Variants in TMTC1 observed in about 807,000 individuals in gnomAD.
TMTC1 encodes transmembrane O-mannosyltransferase targeting cadherins 1.
A neutral mutation model predicts 104.8 loss-of-function variants in TMTC1; 73 were observed. The ratio of observed to expected loss-of-function variants is 0.70; its 90% CI spans 0.58 to 0.85. TMTC1 has a LOEUF of 0.85. TMTC1 is among the 40% of genes least tolerant of loss of function. TMTC1 has a pLI of 0.00. For missense variants in TMTC1, 1,035 were observed against 1,096.1 expected, an observed-to-expected ratio of 0.94 and a Z score of 0.79; for synonymous variants, 434 against 428.7, an observed-to-expected ratio of 1.01 and a Z score of -0.15.
intron 6 of TMTC1, among the ~76,000 whole-genome samples, chr12:29,631,170 T>A (rs1229974446): frequency 6.6e-6 from 1 of 152,224 alleles, no homozygotes; most frequent in African/African-American, 2.4e-5. Context: ...TGTAGATTTA[T>A]GTTTTACAAA....
At chr12:29,546,093 G>C (rs577264006) in intron 10 of TMTC1, among the ~76,000 whole-genome samples, 1 of 152,312 alleles carries the variant, frequency 6.6e-6, no homozygotes, top group South Asian at 2.1e-4. Context: ...AGGTGGTAGT[G>C]AGGCAGCATG....
At chr12:29,714,981 CT>C (rs1942037118) in intron 5 of TMTC1, among the ~76,000 whole-genome samples, 1 of 152,158 alleles carries the variant, frequency 6.6e-6, no homozygotes, top group Non-Finnish European at 1.5e-5. Flanking sequence ...TACTTTTTCT[CT>C]TTTAAAAAAT....
chr12:29,620,978 T>G (rs1368381983), intron 6 of TMTC1, among the ~76,000 whole-genome samples: 12 of 152,186 alleles, frequency 7.9e-5, no homozygotes, highest in Admixed American at 7.2e-4. Context: ...TATCGAATAC[T>G]GCAGTGGTCT....
chr12:29,773,704 A>G (rs77387052), intron 1 of TMTC1, among the ~76,000 whole-genome samples: 4,242 of 152,268 alleles, frequency 0.028, 96 homozygotes, highest in Non-Finnish European at 0.043. Flanking sequence ...CAATATGATT[A>G]ATAAGCCACC....
chr12:29,635,915 C>T (rs950419399), intron 5 of TMTC1, among the ~76,000 whole-genome samples: 5 of 152,158 alleles, frequency 3.3e-5, no homozygotes, highest in African/African-American at 1.2e-4. Flanking sequence ...AAGCAAAGCA[C>T]AGATTTTGTT....
chr12:29,667,944 G>A (rs898678286), intron 5 of TMTC1, among the ~76,000 whole-genome samples: 1 of 152,172 alleles, frequency 6.6e-6, no homozygotes, highest in African/African-American at 2.4e-5. Context: ...AGGCGGAGGA[G>A]GTACTTACTC....
intron 2 of TMTC1, among the ~76,000 whole-genome samples, chr12:29,761,021 T>C (rs1943335418): frequency 1.4e-5 from 2 of 147,924 alleles, no homozygotes; most frequent in African/African-American, 4.9e-5. Context: ...ATAAATTATA[T>C]GTAGTATATG....
intron 5 of TMTC1, among the ~76,000 whole-genome samples, chr12:29,737,386 C>T (rs189387252): frequency 9.9e-5 from 15 of 152,250 alleles, no homozygotes; most frequent in African/African-American, 2.9e-4. Flanking sequence ...GGCCTGGTGG[C>T]GCATGCCTGT....
In TMTC1 at chr12:29,679,071, T is replaced by C. The variant is rs1382503462; in HGVS notation, c.939-45735A>G. The stretch of plus-strand genomic sequence containing the variant: ...TATCTAATATAGGTGAATAGCTAAA[T>C]AAATTTTCATACAACCATGCAGTGC... On this transcript the variant is annotated intron_variant, in intron 5 of 17. Transcript: ENST00000539277. Among the ~76,000 whole-genome samples, 3 of 152,188 alleles carry C rather than the reference T, an allele frequency of 2.0e-5. No individual in the cohort carries two copies. In the South Asian group the frequency reaches 6.2e-4, roughly 31 times the overall value.
At chr12:29,766,729 A>G (rs1005164094) in intron 2 of TMTC1, among the ~76,000 whole-genome samples, 4 of 152,162 alleles carry the variant, frequency 2.6e-5, no homozygotes, top group Admixed American at 2.6e-4. Flanking sequence ...CAGGCAGATC[A>G]GCTTCAGGGA....
At chr12:29,507,861 A>G (rs1477123414) in intron 17 of TMTC1, among the ~76,000 whole-genome samples, 1 of 152,200 alleles carries the variant, frequency 6.6e-6, no homozygotes, top group Non-Finnish European at 1.5e-5. Context: ...CCCCCATTAG[A>G]AAAAGTATGA....
chr12:29,719,794 C>T (rs908446247), intron 5 of TMTC1, among the ~76,000 whole-genome samples: 7 of 152,200 alleles, frequency 4.6e-5, no homozygotes, highest in African/African-American at 1.7e-4. Flanking sequence ...TTTCTGAGAA[C>T]TACTTAGCTC....
chr12:29,780,300 A>C (rs747995965), intron 1 of TMTC1, among the ~76,000 whole-genome samples: 3 of 152,248 alleles, frequency 2.0e-5, no homozygotes, highest in Non-Finnish European at 4.4e-5. Context: ...ATACAATGGA[A>C]TACAACTCAG....
At chr12:29,575,855 C>T (rs961810149) in intron 8 of TMTC1, among the ~76,000 whole-genome samples, 1 of 152,188 alleles carries the variant, frequency 6.6e-6, no homozygotes, top group Non-Finnish European at 1.5e-5. Flanking sequence ...AACATACATT[C>T]CCACCAACAA....
At chr12:29,552,047 A>G (rs1945120183) in intron 10 of TMTC1, among the ~76,000 whole-genome samples, 2 of 152,198 alleles carry the variant, frequency 1.3e-5, no homozygotes, top group South Asian at 2.1e-4. Flanking sequence ...AATTCAAATG[A>G]GTTGCTATAA....
chr12:29,694,242 G>C (rs1460829751), intron 5 of TMTC1, among the ~76,000 whole-genome samples: 2 of 152,076 alleles, frequency 1.3e-5, no homozygotes, highest in East Asian at 3.9e-4. Context: ...TCTCCTCAAT[G>C]ATTTGCATCA....
At chr12:29,643,115 A>G (rs939351008) in intron 5 of TMTC1, among the ~76,000 whole-genome samples, 3 of 151,122 alleles carry the variant, frequency 2.0e-5, no homozygotes, top group African/African-American at 7.3e-5. Flanking sequence ...TCCTGGGAGA[A>G]TGGCCATAAT....
intron 3 of TMTC1, 140 bp from the exon 4 acceptor site, chr12:29,756,025 G>T: frequency 1.2e-6 from 1 of 844,210 alleles, no homozygotes; most frequent in Non-Finnish European, 1.8e-6. Context: ...TTCTTAAAGA[G>T]CCTTCATCCC....
At chr12:29,760,648 T>C (rs1171392473) in intron 2 of TMTC1, among the ~76,000 whole-genome samples, 3 of 152,052 alleles carry the variant, frequency 2.0e-5, no homozygotes, top group Non-Finnish European at 4.4e-5. Context: ...CAGGGACGTA[T>C]AACCTGAATA....
Sources: gnomAD v4.1 joint callset for allele counts (sites outside exome capture counted in the v4.1 genomes callset) on GRCh38, gnomAD v4.1.1 for gene constraint, MANE v1.5 for transcripts, NCBI Gene and HGNC (gene_info 2026-07-23, HGNC 2026-07-21) for gene names.